The following CDH10 variants were observed in gnomAD, a reference collection of about 807,000 sequenced individuals.
CDH10 encodes the protein cadherin-10.
A neutral mutation model predicts 73.1 loss-of-function variants in CDH10; 30 were observed. The observed-to-expected ratio is 0.41, with a 90% CI of 0.31 to 0.56. The LOEUF (loss-of-function observed/expected upper bound fraction) is 0.56, where lower values mean the gene tolerates loss of function less well. Ranked by LOEUF, CDH10 falls within the 20% of genes least tolerant of loss-of-function variation. The pLI, the probability that CDH10 is intolerant of heterozygous loss-of-function variation, is 0.27. For synonymous variants in CDH10, 345 were observed against 348.2 expected, an observed-to-expected ratio of 0.99 and a Z score of 0.10; for missense variants, 815 against 973.7, an observed-to-expected ratio of 0.84 and a Z score of 2.17.
chr5:24,538,270 C>G (rs1343233526), intron 2 of CDH10, among the ~76,000 whole-genome samples: 1 of 152,064 alleles, frequency 6.6e-6, no homozygotes, highest in Non-Finnish European at 1.5e-5. Context: ...ATCTACATAA[C>G]ACATGTCTGT....
chr5:24,490,899 T>C (rs1188156562), intron 11 of CDH10, among the ~76,000 whole-genome samples: 2 of 152,220 alleles, frequency 1.3e-5, no homozygotes, highest in African/African-American at 4.8e-5. Context: ...ACAAATGTTA[T>C]CAACTTAACC....
At chr5:24,586,434 CTTT>C (rs35486231) in intron 2 of CDH10, among the ~76,000 whole-genome samples, 2 of 100,426 alleles carry the variant, frequency 2.0e-5, no homozygotes, top group Non-Finnish European at 3.8e-5. Context: ...TTATTAACTC[CTTT>C]TTTTTTTTTT....
At chr5:24,585,142 G>T (rs181698306) in intron 2 of CDH10, among the ~76,000 whole-genome samples, 16 of 151,802 alleles carry the variant, frequency 1.1e-4, no homozygotes, top group Middle Eastern at 3.4e-3. Context: ...CACTGCACCC[G>T]GCCCACTTAA....
At chr5:24,552,677 GATTA>G (rs1266469941) in intron 2 of CDH10, among the ~76,000 whole-genome samples, 3 of 151,960 alleles carry the variant, frequency 2.0e-5, no homozygotes, top group African/African-American at 7.2e-5. Flanking sequence ...ACCCCTCAAT[GATTA>G]ATTTTCCTTT....
chr5:24,524,515 T>C (rs1014512), intron 5 of CDH10, among the ~76,000 whole-genome samples: 70,140 of 151,828 alleles, frequency 0.46, 16,445 homozygotes, highest in East Asian at 0.58. Flanking sequence ...CTTACAGTGA[T>C]GAAGCTTTAA....
rs1200834681 is a variant in CDH10, at chr5:24,488,112, T to G, written c.1918A>C (p.Lys640Gln). ...LFAALKRQRK[K>Q]EPLILSKEDI... The stretch of plus-strand genomic sequence containing the variant: ...TCTTTTGACAAGATCAGAGGCTCTT[T>G]TTTTCGCTGTCTTTTCAGAGCTGCA... Residue 640 changes from lysine (K) to glutamine (Q), a missense_variant, in exon 12 of 12, where the codon AAA (lysine) becomes CAA (glutamine). Coordinates refer to ENST00000264463, the MANE Select transcript of CDH10 (RefSeq NM_006727.5). 6.2e-7 allele frequency: 1 copy of G among 1,612,434 alleles called. No homozygotes were observed. The highest frequency in any genetic ancestry group is 8.5e-7 in the Non-Finnish European group (1 of 1,179,454).
rs529342499 is a variant in CDH10, at chr5:24,491,774, T to C, written c.1678A>G (p.Ser560Gly). The C allele has an allele frequency of 2.5e-6, 4 of 1,607,346 alleles. No homozygotes were observed. In the South Asian group the frequency reaches 4.4e-5, roughly 18 times the overall value. Residue 560 changes from serine to glycine, a missense_variant, in exon 11 of 12, where the codon AGT (serine) becomes GGT (glycine). Ser to Gly is a moderately conservative substitution (Grantham distance 56, BLOSUM62 0). This residue lies in a region of CDH10 where 516 missense variants were observed against 636.6 expected (regional missense o/e 0.81). Coordinates refer to ENST00000264463, the MANE Select transcript of CDH10 (RefSeq NM_006727.5). ...ATCACCACAGGCAAGAGATAGGTAC[T>C]GATTTCATGTCTATTGAATCCATTT... ...RKNGFNRHEI[S>G]TYLLPVVISD...
intron 1 of CDH10, among the ~76,000 whole-genome samples, chr5:24,613,515 T>C (rs570730780): frequency 9.9e-6 from 1 of 100,806 alleles, no homozygotes; most frequent in Admixed American, 1.3e-4. Flanking sequence ...AGCATCCTCT[T>C]TGCTGGGAAA....
At chr5:24,590,929 CAT>C (rs1746180210) in intron 2 of CDH10, among the ~76,000 whole-genome samples, 1 of 151,974 alleles carries the variant, frequency 6.6e-6, no homozygotes, top group Non-Finnish European at 1.5e-5. Flanking sequence ...CACCATATCA[CAT>C]GTCTACTTTA....
In CDH10 at chr5:24,543,453, C is replaced by T. The variant is rs1303728958; in HGVS notation, c.232-5779G>A. Among the ~76,000 whole-genome samples the T allele has an allele frequency of 4.6e-5, 7 of 152,054 alleles. No homozygotes were observed. The South Asian group carries it at 1.2e-3, about 27-fold the overall frequency. ...ACAATTTATGCTAAGTTTTTACATA[C>T]ATTAACCTGAAAATAACGAAATTAT... On this transcript the variant is annotated intron_variant, in intron 2 of 11. Transcript: ENST00000264463.
intron 5 of CDH10, among the ~76,000 whole-genome samples, chr5:24,530,841 T>C (rs1743714709): frequency 1.3e-5 from 2 of 152,128 alleles, no homozygotes; most frequent in Admixed American, 6.6e-5. Flanking sequence ...ATTATACTAA[T>C]GTGCATATGT....
Position 24,505,267 on chromosome 5 carries a change from A to C in CDH10, c.1257-19T>G. On this transcript the variant is annotated intron_variant, in intron 7 of 11. Coordinates refer to ENST00000264463, the MANE Select transcript of CDH10 (RefSeq NM_006727.5). ...GGAAAATCTGAACATGGAGGGCAAG[A>C]AAAAATACATGGCAGCATTATTAAT... The C allele has an allele frequency of 6.2e-7, 1 of 1,606,046 alleles. No individual in the cohort carries two copies. Among genetic ancestry groups the C allele is most frequent in the Non-Finnish European group, 8.5e-7 (1 of 1,173,342 alleles).
At chr5:24,491,059 T>C (rs1407851330) in intron 11 of CDH10, among the ~76,000 whole-genome samples, 1 of 152,130 alleles carries the variant, frequency 6.6e-6, no homozygotes, top group Non-Finnish European at 1.5e-5. Context: ...TGCCCCAGAC[T>C]CTGTTACTAC....
intron 8 of CDH10, among the ~76,000 whole-genome samples, chr5:24,500,012 T>C (rs902074994): frequency 2.6e-5 from 4 of 152,160 alleles, no homozygotes; most frequent in South Asian, 4.1e-4. Context: ...AACAAAACAA[T>C]AGCAGAATAG....
intron 3 of CDH10, among the ~76,000 whole-genome samples, chr5:24,536,361 G>T (rs1203198672): frequency 1.3e-5 from 2 of 152,040 alleles, no homozygotes; most frequent in Non-Finnish European, 2.9e-5. Context: ...TTTATAGTGA[G>T]ATGACTGCCA....
At chr5:24,611,644 T>C (rs1157541066) in intron 1 of CDH10, among the ~76,000 whole-genome samples, 1 of 152,088 alleles carries the variant, frequency 6.6e-6, no homozygotes, top group African/African-American at 2.4e-5. Context: ...CCACCAATGG[T>C]CCCTTCCTCC....
At chr5:24,631,042 C>T (rs1171625939) in intron 1 of CDH10, among the ~76,000 whole-genome samples, 2 of 152,028 alleles carry the variant, frequency 1.3e-5, no homozygotes, top group Non-Finnish European at 2.9e-5. Flanking sequence ...TGGTAAAACT[C>T]TTAGTAGATC....
Position 24,496,009 on chromosome 5 carries a change from G to T in CDH10, c.1515+2389C>A, listed in dbSNP as rs1344544327. On this transcript the variant is annotated intron_variant, in intron 9 of 11. Transcript: ENST00000264463. ...AATGCTTCAGTGATCATATTATTAT[G>T]GTGTCTGGAACAATGAATGGGTTTT... Among the ~76,000 whole-genome samples the T allele has an allele frequency of 2.0e-5, 3 of 151,966 alleles. No individual in the cohort carries two copies. In the East Asian group the frequency reaches 5.8e-4, roughly 30 times the overall value.
chr5:24,506,587 A>C (rs1031172887), intron 7 of CDH10, among the ~76,000 whole-genome samples: 4 of 152,200 alleles, frequency 2.6e-5, no homozygotes, highest in Non-Finnish European at 5.9e-5. Context: ...ATAAAACATG[A>C]AAACACCAAG....
Sources: allele counts gnomAD v4.1 joint callset (sites outside exome capture counted in the v4.1 genomes callset), GRCh38; gene constraint gnomAD v4.1.1; regional missense constraint gnomAD v4.1.1; transcripts MANE v1.5; gene names NCBI Gene and HGNC (gene_info 2026-07-23, HGNC 2026-07-21).